PRKN: variants seen among roughly 807,000 people sequenced by gnomAD.
The protein encoded by PRKN is E3 ubiquitin-protein ligase parkin.
A neutral mutation model predicts 59.5 loss-of-function variants in PRKN; 56 were observed. That is an observed-to-expected ratio of 0.94 (90% confidence interval 0.76 to 1.18). PRKN has a LOEUF of 1.18. Ranked by LOEUF, PRKN falls within the 50% of genes most tolerant of loss-of-function variation. PRKN has a pLI of 0.00. For synonymous variants in PRKN, 250 were observed against 222.1 expected (o/e 1.13, Z -1.12); for missense variants, 657 against 596.4 (o/e 1.10, Z -1.06).
chr6:162,721,522 T>G (rs1778941735), intron 1 of PRKN, among the ~76,000 whole-genome samples: 1 of 152,006 alleles, frequency 6.6e-6, no homozygotes, highest in African/African-American at 2.4e-5. Context: ...TATTCTCTTC[T>G]CTCCCCTCCA....
intron 9 of PRKN, among the ~76,000 whole-genome samples, chr6:161,439,499 C>T (rs1789089448): frequency 6.6e-6 from 1 of 152,278 alleles, no homozygotes; most frequent in African/African-American, 2.4e-5. Context: ...GTTTACAACC[C>T]GAAGGCAGCT....
At chr6:162,001,561 T>C (rs553185099) in intron 5 of PRKN, among the ~76,000 whole-genome samples, 1 of 152,068 alleles carries the variant, frequency 6.6e-6, no homozygotes, top group South Asian at 2.1e-4. Context: ...TCAATTCTTT[T>C]GTATTCTCCA....
chr6:162,545,131 A>G (rs1395321616), intron 1 of PRKN, among the ~76,000 whole-genome samples: 2 of 150,640 alleles, frequency 1.3e-5, no homozygotes, highest in Non-Finnish European at 3.0e-5. Context: ...CTAAAAATAC[A>G]AAAAAAATGA....
At chr6:161,994,331 A>C (rs1176605501) in intron 5 of PRKN, among the ~76,000 whole-genome samples, 1 of 152,192 alleles carries the variant, frequency 6.6e-6, no homozygotes, top group Non-Finnish European at 1.5e-5. Flanking sequence ...ACATTCCTTC[A>C]TGATAAAACA....
rs1235274302 is a variant in PRKN at position 162,622,308 on chromosome 6, G to GT, written c.7+105353dup. On this transcript the variant is annotated intron_variant, in intron 1 of 11. Transcript: ENST00000366898. ...CAAATTCTGTTTTTTTTTTTGTTTT[G>GT]TTTTTTTTTGGTAGCAGAGTCTCGC... Among the ~76,000 whole-genome samples the GT allele has an allele frequency of 4.4e-3, 539 of 121,512 alleles. 3 individuals carry two copies. Among genetic ancestry groups the GT allele is most frequent in the African/African-American group, 0.011 (372 of 35,244 alleles). 79.7% of individuals were successfully genotyped at this position (121,512 alleles called of 152,430 possible).
intron 2 of PRKN, among the ~76,000 whole-genome samples, chr6:162,357,204 A>G (rs1784910051): frequency 6.6e-6 from 1 of 152,198 alleles, no homozygotes; most frequent in African/African-American, 2.4e-5. Flanking sequence ...AATCAGAGAG[A>G]AAATATTCAC....
In PRKN at chr6:161,425,002, G is replaced by A. The variant is rs527519315; in HGVS notation, c.1084-38125C>T. Among the ~76,000 whole-genome samples the A allele has an allele frequency of 2.6e-5, 4 of 152,212 alleles. No individual in the cohort carries two copies. In the East Asian group the frequency reaches 5.8e-4, roughly 22 times the overall value. On this transcript the variant is annotated intron_variant, in intron 9 of 11. Coordinates refer to ENST00000366898, the MANE Select transcript of PRKN (RefSeq NM_004562.3). ...GAAACACTTAAGAAAGTACTCATAG[G>A]CCCACATTAAGTAAGTGATGCCTAC...
At position 161,462,272 on chromosome 6, in the gene PRKN, T is replaced by C. The variant is rs1370788535; in HGVS notation, c.1084-75395A>G. Among the ~76,000 whole-genome samples the C allele has an allele frequency of 6.6e-6, 1 of 152,254 alleles. No individual in the cohort carries two copies. The highest frequency in any genetic ancestry group is 1.5e-5 in the Non-Finnish European group (1 of 68,042). On this transcript the variant is annotated intron_variant, in intron 9 of 11. Transcript: ENST00000366898. This position sits in a 1 kb window ranked among gnomAD's most constrained non-coding sequence, Gnocchi z 4.5. ...GAATCATTTACATCTAACAATGTTA[T>C]CTAGACAGCATGCTTTTATTCTGAA...
intron 2 of PRKN, among the ~76,000 whole-genome samples, chr6:162,411,271 T>A (rs912669983): frequency 1.3e-5 from 2 of 152,144 alleles, no homozygotes; most frequent in African/African-American, 4.8e-5. Context: ...CTAGGTTAAT[T>A]AGGAAAATAA....
chr6:162,577,781 T>C (rs1397441803), intron 1 of PRKN, among the ~76,000 whole-genome samples: 1 of 151,924 alleles, frequency 6.6e-6, no homozygotes, highest in Non-Finnish European at 1.5e-5. Flanking sequence ...CTAAAAAATT[T>C]AGCCAGGCAA....
chr6:161,557,579 T>G (rs1464359265), intron 8 of PRKN, among the ~76,000 whole-genome samples: 7 of 152,124 alleles, frequency 4.6e-5, no homozygotes, highest in African/African-American at 1.7e-4. Flanking sequence ...CCCCCACCAC[T>G]GAAACACCAT....
intron 1 of PRKN, among the ~76,000 whole-genome samples, chr6:162,468,291 G>A (rs1056617415): frequency 1.3e-5 from 2 of 152,190 alleles, no homozygotes; most frequent in African/African-American, 4.8e-5. Context: ...ATGTTGAAGT[G>A]AATGAGAAAA....
intron 7 of PRKN, among the ~76,000 whole-genome samples, chr6:161,601,451 A>C (rs1782100134): frequency 6.6e-6 from 1 of 152,122 alleles, no homozygotes; most frequent in South Asian, 2.1e-4. Flanking sequence ...CTACCTCTTC[A>C]TACTATATCT....
At chr6:161,862,748 G>A (rs1364892038) in intron 6 of PRKN, among the ~76,000 whole-genome samples, 1 of 151,572 alleles carries the variant, frequency 6.6e-6, no homozygotes, top group Non-Finnish European at 1.5e-5. Flanking sequence ...CCATTCAGAG[G>A]CGAGAAGGAG....
chr6:162,457,232 A>C (rs1790922552), intron 1 of PRKN, among the ~76,000 whole-genome samples: 1 of 152,218 alleles, frequency 6.6e-6, no homozygotes, highest in African/African-American at 2.4e-5. Flanking sequence ...CATTGGGATA[A>C]AGTTATGCAG....
intron 7 of PRKN, among the ~76,000 whole-genome samples, chr6:161,707,267 TAC>T (rs1786540256): frequency 7.4e-6 from 1 of 135,960 alleles, no homozygotes; most frequent in Non-Finnish European, 1.6e-5. Flanking sequence ...AATGAATCTG[TAC>T]AGTTATAAGA....
chr6:161,680,753 A>T (rs1309657771), intron 7 of PRKN, among the ~76,000 whole-genome samples: 3 of 41,086 alleles, frequency 7.3e-5, no homozygotes, highest in Non-Finnish European at 1.3e-4. Context: ...ATATATATAT[A>T]TATATATATA....
At chr6:161,918,760 T>C (rs1276348691) in intron 6 of PRKN, among the ~76,000 whole-genome samples, 1 of 152,160 alleles carries the variant, frequency 6.6e-6, no homozygotes, top group Non-Finnish European at 1.5e-5. Context: ...AAGCTTTGAA[T>C]AGACATTTCA....
At chr6:162,610,822 C>A (rs1404995616) in intron 1 of PRKN, among the ~76,000 whole-genome samples, 1 of 152,150 alleles carries the variant, frequency 6.6e-6, no homozygotes, top group African/African-American at 2.4e-5. Context: ...TTAATTCATT[C>A]GAGATTTTAT....
Sources: gnomAD v4.1 joint callset for allele counts (sites outside exome capture counted in the v4.1 genomes callset) on GRCh38, gnomAD v4.1.1 for gene constraint, Gnocchi (gnomAD v3.1) non-coding constraint, MANE v1.5 for transcripts, NCBI Gene and HGNC (gene_info 2026-07-23, HGNC 2026-07-21) for gene names.